DACH1: variants seen among roughly 807,000 people sequenced by gnomAD.
The protein encoded by DACH1 is dachshund homolog 1.
Under a neutral mutation model 54.2 loss-of-function variants are expected in DACH1, and 12 were observed. The ratio of observed to expected loss-of-function variants is 0.22; its 90% confidence interval spans 0.14 to 0.36. The LOEUF (loss-of-function observed/expected upper bound fraction) is 0.36, where lower values mean the gene tolerates loss of function less well. DACH1 is among the 10% of genes least tolerant of loss of function. The pLI is 1.00. For synonymous variants in DACH1, 386 were observed against 366.2 expected (o/e 1.05, Z -0.62); for missense variants, 805 against 929.8 (o/e 0.87, Z 1.75).
At chr13:71,548,229 A>T (rs1883584751) in intron 6 of DACH1, among the ~76,000 whole-genome samples, 3 of 152,208 alleles carry the variant, frequency 2.0e-5, no homozygotes, top group Admixed American at 2.0e-4. Context: ...TAGAAAAGTC[A>T]TTATTATGTC....
At chr13:71,486,057 T>C (rs908479948) in intron 7 of DACH1, among the ~76,000 whole-genome samples, 4 of 151,842 alleles carry the variant, frequency 2.6e-5, no homozygotes, top group Non-Finnish European at 5.9e-5. Flanking sequence ...GATCTTCTTT[T>C]AAAACACAAA....
At chr13:71,759,107 T>A (rs369805624) in intron 1 of DACH1, among the ~76,000 whole-genome samples, 22 of 152,176 alleles carry the variant, frequency 1.4e-4, no homozygotes, top group African/African-American at 5.1e-4. Flanking sequence ...CTGTTACCTT[T>A]TTTTCCCCTT....
chr13:71,475,171 C>T lies in DACH1; in HGVS notation c.2053G>A (p.Gly685Ser), dbSNP rs1019311918. The change falls in exon 10 of 11, where the codon GGC becomes AGC. Residue 685 changes from glycine (G) to serine (S), a missense_variant. Physicochemically the swap from Gly to Ser is moderately conservative, Grantham distance 56. Transcript: ENST00000613252. ...TPEIEADRSG[G>S]RTDAERTIQD... ...ATTGTCCTTTCAGCATCTGTTCTGC[C>T]GCCACTGCGGTCAGCCTCTATCTCT... The T allele has an allele frequency of 1.4e-5, 23 of 1,613,700 alleles. No individual in the cohort carries two copies. The highest frequency in any genetic ancestry group is 8.0e-5 in the African/African-American group (6 of 74,846).
chr13:71,866,373 G>A lies in DACH1; in HGVS notation c.397C>T (p.Pro133Ser). 6.6e-7 allele frequency: 1 copy of A among 1,506,814 alleles called. No individual in the cohort carries two copies. Among genetic ancestry groups the A allele is most frequent in the Non-Finnish European group, 8.9e-7 (1 of 1,123,894 alleles). 93.3% of individuals were successfully genotyped at this position (1,506,814 alleles called of 1,614,324 possible). Reference sequence around the variant, plus strand: ...CTGCTGCCGGTGCTGGCGTTGATGGGGGTGCTGGAAGCGACGCCGCCGCCA... The same window carrying A: ...CTGCTGCCGGTGCTGGCGTTGATGGAGGTGCTGGAAGCGACGCCGCCGCCA... ...SAGGGVASST[P>S]INASTGSSSS... is the part of the protein sequence containing the mutation. The change falls in exon 1 of 11, where the codon CCC (proline) becomes TCC (serine). Residue 133 changes from proline to serine, a missense_variant. Physicochemically the swap from Pro to Ser is moderately conservative, Grantham distance 74. Around this residue, in one of 3 missense-constraint regions of DACH1, gnomAD observed 305 missense variants for 308.7 expected, o/e 0.99. Coordinates refer to ENST00000613252, the MANE Select transcript of DACH1 (RefSeq NM_080759.6).
chr13:71,709,555 G>T (rs749927792), intron 1 of DACH1, among the ~76,000 whole-genome samples: 7 of 151,896 alleles, frequency 4.6e-5, no homozygotes, highest in Non-Finnish European at 1.0e-4. Flanking sequence ...TGGCAGTATC[G>T]CAGTGGTTGT....
At chr13:71,561,131 G>A (rs573989291) in intron 4 of DACH1, among the ~76,000 whole-genome samples, 11 of 152,106 alleles carry the variant, frequency 7.2e-5, no homozygotes, top group Non-Finnish European at 1.5e-4. Context: ...CTCATCTTTG[G>A]TCAAAGTGAT....
At chr13:71,545,053 C>A (rs1341208972) in intron 6 of DACH1, among the ~76,000 whole-genome samples, 1 of 152,044 alleles carries the variant, frequency 6.6e-6, no homozygotes, top group Non-Finnish European at 1.5e-5. Context: ...TGATATGGCA[C>A]AACACGTATA....
At chr13:71,570,663 A>T (rs1885140081) in intron 4 of DACH1, among the ~76,000 whole-genome samples, 1 of 152,192 alleles carries the variant, frequency 6.6e-6, no homozygotes, top group African/African-American at 2.4e-5. Flanking sequence ...ATCTTAAAAC[A>T]TAAAACGACC....
At chr13:71,619,433 C>T (rs1307948018) in intron 3 of DACH1, among the ~76,000 whole-genome samples, 1 of 151,852 alleles carries the variant, frequency 6.6e-6, no homozygotes, top group Non-Finnish European at 1.5e-5. Context: ...AATCACACAT[C>T]TCACAATTCA....
intron 1 of DACH1, among the ~76,000 whole-genome samples, chr13:71,787,912 T>A (rs1272963674): frequency 2.6e-5 from 4 of 152,126 alleles, no homozygotes; most frequent in African/African-American, 4.8e-5. Context: ...AAAAGATAAA[T>A]GTTTAGGAGA....
chr13:71,665,222 GA>G (rs1269002624), intron 2 of DACH1, among the ~76,000 whole-genome samples: 5 of 149,832 alleles, frequency 3.3e-5, no homozygotes, highest in East Asian at 1.9e-4. Flanking sequence ...CAATGTAAAA[GA>G]AAAAAAAAGT....
In DACH1 at chr13:71,721,656, C is replaced by CT. The variant is rs145488905; in HGVS notation, c.849-39747dup. On this transcript the variant is annotated intron_variant, in intron 1 of 10. Transcript: ENST00000613252. ...AAAGGACTAGTCCTCATTTTCTTCT[C>CT]TTTTGTTTCAGTAATTTGCTGTGCA... is the stretch of plus-strand genomic sequence containing the variant. Among the ~76,000 whole-genome samples the CT allele has an allele frequency of 8.4e-3, 1,280 of 152,144 alleles. 19 individuals carry two copies. The highest frequency in any genetic ancestry group is 0.028 in the African/African-American group (1,148 of 41,534).
At chr13:71,450,586 C>G (rs1221598358) in intron 10 of DACH1, among the ~76,000 whole-genome samples, 1 of 152,062 alleles carries the variant, frequency 6.6e-6, no homozygotes, top group Non-Finnish European at 1.5e-5. Flanking sequence ...GTCTCTCACT[C>G]TAAATCAAAT....
intron 2 of DACH1, among the ~76,000 whole-genome samples, chr13:71,665,197 T>C (rs1655969599): frequency 6.6e-6 from 1 of 151,960 alleles, no homozygotes. Flanking sequence ...ACTGCATTAT[T>C]TAGCAAACAA....
intron 2 of DACH1, among the ~76,000 whole-genome samples, chr13:71,637,632 G>C (rs1357012303): frequency 6.6e-6 from 1 of 152,102 alleles, no homozygotes; most frequent in Non-Finnish European, 1.5e-5. Context: ...TCTTTTGGAA[G>C]AGATGCAGGC....
intron 1 of DACH1, among the ~76,000 whole-genome samples, chr13:71,804,886 C>G (rs1158737553): frequency 6.6e-6 from 1 of 152,080 alleles, no homozygotes; most frequent in Admixed American, 6.6e-5. Flanking sequence ...CTTATCTTAC[C>G]TACCGTATGA....
At chr13:71,587,311 A>G (rs988237302) in intron 3 of DACH1, among the ~76,000 whole-genome samples, 2 of 152,088 alleles carry the variant, frequency 1.3e-5, no homozygotes, top group Non-Finnish European at 2.9e-5. Context: ...TTATTGTCTC[A>G]GTGGGATCTT....
intron 3 of DACH1, among the ~76,000 whole-genome samples, chr13:71,579,231 G>A (rs910946352): frequency 6.6e-6 from 1 of 151,860 alleles, no homozygotes; most frequent in African/African-American, 2.4e-5. Flanking sequence ...TAGTGTTCTT[G>A]GACTCATCAA....
At chr13:71,521,894 T>C (rs1040874924) in intron 6 of DACH1, among the ~76,000 whole-genome samples, 3 of 152,156 alleles carry the variant, frequency 2.0e-5, no homozygotes, top group Admixed American at 2.0e-4. Flanking sequence ...ACTTTAACAA[T>C]ATATGCTAAA....
Sources: gnomAD v4.1 joint callset for allele counts (sites outside exome capture counted in the v4.1 genomes callset) on GRCh38, gnomAD v4.1.1 for gene constraint, gnomAD v4.1.1 regional missense constraint, MANE v1.5 for transcripts, NCBI Gene and HGNC (gene_info 2026-07-23, HGNC 2026-07-21) for gene names.